SCFD2: variants seen among roughly 807,000 people sequenced by gnomAD.
SCFD2 encodes the protein sec1 family domain containing 2.
A neutral mutation model predicts 58.9 loss-of-function variants in SCFD2; 54 were observed. That is an observed-to-expected ratio of 0.92 (90% CI 0.74 to 1.15). SCFD2 has a LOEUF of 1.15. Ranked by LOEUF, SCFD2 falls within the 50% of genes most tolerant of loss-of-function variation. The pLI is 0.00. For synonymous variants in SCFD2, 321 were observed against 335.9 expected (o/e 0.96, Z 0.49); for missense variants, 805 against 836.6 (o/e 0.96, Z 0.47).
intron 4 of SCFD2, among the ~76,000 whole-genome samples, chr4:53,236,117 G>T (rs1729598090): frequency 6.6e-6 from 1 of 152,152 alleles, no homozygotes; most frequent in Non-Finnish European, 1.5e-5. Flanking sequence ...GGGGAAGGCA[G>T]ATCCACCCTT....
At chr4:53,310,148 TC>T (rs1280915146) in intron 3 of SCFD2, among the ~76,000 whole-genome samples, 3 of 152,282 alleles carry the variant, frequency 2.0e-5, no homozygotes, top group East Asian at 3.9e-4. Context: ...TATTTAGTGG[TC>T]TGGGAGGCTT....
intron 2 of SCFD2, among the ~76,000 whole-genome samples, chr4:53,349,619 A>G (rs1189305775): frequency 1.3e-5 from 2 of 152,244 alleles, no homozygotes. Context: ...GCCAAGGGAA[A>G]TGAGATTCCA....
chr4:52,876,301 T>C (rs1381309170), intron 8 of SCFD2, among the ~76,000 whole-genome samples: 2 of 152,218 alleles, frequency 1.3e-5, no homozygotes, highest in Non-Finnish European at 2.9e-5. Flanking sequence ...GCTGCTGTAT[T>C]ATTGTGGTTT....
chr4:53,112,934 T>C (rs1271994880), intron 5 of SCFD2, among the ~76,000 whole-genome samples: 1 of 152,056 alleles, frequency 6.6e-6, no homozygotes, highest in African/African-American at 2.4e-5. Flanking sequence ...ACACTAGCCA[T>C]AGGATCCCAG....
chr4:52,904,141 G>A (rs896717095), intron 7 of SCFD2, among the ~76,000 whole-genome samples: 6 of 152,174 alleles, frequency 3.9e-5, no homozygotes, highest in African/African-American at 1.2e-4. Flanking sequence ...TATAGACCCT[G>A]CTTCCGGGTG....
intron 4 of SCFD2, among the ~76,000 whole-genome samples, chr4:53,240,153 C>T (rs1288839848): frequency 6.6e-6 from 1 of 152,152 alleles, no homozygotes; most frequent in Non-Finnish European, 1.5e-5. Flanking sequence ...GTGGTTTTGC[C>T]AACACAGCAG....
chr4:52,939,045 G>A (rs1383696159), intron 5 of SCFD2, among the ~76,000 whole-genome samples: 1 of 152,154 alleles, frequency 6.6e-6, no homozygotes, highest in Non-Finnish European at 1.5e-5. Context: ...ACTTCTGGAT[G>A]TCTGGCAGAA....
chr4:53,063,881 T>A (rs774421398), intron 5 of SCFD2, among the ~76,000 whole-genome samples: 37 of 151,982 alleles, frequency 2.4e-4, no homozygotes, highest in Non-Finnish European at 4.1e-4. Flanking sequence ...CTTATCAGAA[T>A]TTTTTTTCTA....
chr4:52,969,950 C>T (rs1258007395), intron 5 of SCFD2, among the ~76,000 whole-genome samples: 2 of 152,104 alleles, frequency 1.3e-5, no homozygotes, highest in African/African-American at 4.8e-5. Flanking sequence ...GGGCAGTTTT[C>T]TTCAATACAG....
At chr4:52,936,131 C>T (rs894474357) in intron 5 of SCFD2, among the ~76,000 whole-genome samples, 1 of 152,180 alleles carries the variant, frequency 6.6e-6, no homozygotes, top group Non-Finnish European at 1.5e-5. Context: ...GCCACCGCAC[C>T]CAGACTTCCT....
At chr4:53,238,740 C>T (rs1257168575) in intron 4 of SCFD2, among the ~76,000 whole-genome samples, 3 of 148,488 alleles carry the variant, frequency 2.0e-5, no homozygotes, top group Admixed American at 6.7e-5. Context: ...GGGGCAGAGG[C>T]GCTCCCCACA....
chr4:53,345,271 C>T (rs1173183798), intron 2 of SCFD2, among the ~76,000 whole-genome samples: 2 of 152,110 alleles, frequency 1.3e-5, no homozygotes, highest in African/African-American at 2.4e-5. Context: ...ACAACCCCAT[C>T]AAAAAGTGGG....
At chr4:53,345,147 C>T (rs1375569898) in intron 2 of SCFD2, among the ~76,000 whole-genome samples, 5 of 152,010 alleles carry the variant, frequency 3.3e-5, no homozygotes, top group Admixed American at 6.6e-5. Context: ...GAAACTACCA[C>T]AAGAGTGAAC....
intron 5 of SCFD2, among the ~76,000 whole-genome samples, chr4:53,044,723 A>G (rs952296405): frequency 2.6e-5 from 4 of 151,970 alleles, no homozygotes; most frequent in Non-Finnish European, 5.9e-5. Flanking sequence ...GCCTTTAAAA[A>G]AAATCATATA....
chr4:53,327,194 C>G (rs1304655326), intron 2 of SCFD2, among the ~76,000 whole-genome samples: 1 of 151,608 alleles, frequency 6.6e-6, no homozygotes, highest in Non-Finnish European at 1.5e-5. Flanking sequence ...TAGCCGAATA[C>G]AAGGTGTTGG....
intron 4 of SCFD2, among the ~76,000 whole-genome samples, chr4:53,232,273 A>C (rs1329503710): frequency 1.3e-5 from 2 of 152,212 alleles, no homozygotes; most frequent in African/African-American, 4.8e-5. Flanking sequence ...TACTCAAAGG[A>C]ATCTTTTGTA....
chr4:53,185,018 C>T (rs1727697825), intron 4 of SCFD2, among the ~76,000 whole-genome samples: 1 of 151,986 alleles, frequency 6.6e-6, no homozygotes, highest in Non-Finnish European at 1.5e-5. Context: ...TAAATAGAAG[C>T]CAGTGAACAT....
At chr4:52,918,821 T>A (rs1719667786) in intron 6 of SCFD2, among the ~76,000 whole-genome samples, 1 of 152,176 alleles carries the variant, frequency 6.6e-6, no homozygotes, top group Non-Finnish European at 1.5e-5. Context: ...GGGCCAAGGA[T>A]TCAAACACAC....
chr4:53,087,833 G>GTATCTTTAA (rs1724356762), intron 5 of SCFD2, among the ~76,000 whole-genome samples: 1 of 151,308 alleles, frequency 6.6e-6, no homozygotes, highest in Non-Finnish European at 1.5e-5. Flanking sequence ...GCTAATTTTT[G>GTATCTTTAA]TATCTTTAAT....
Sources: gnomAD v4.1 joint callset for allele counts (sites outside exome capture counted in the v4.1 genomes callset) on GRCh38, gnomAD v4.1.1 for gene constraint, MANE v1.5 for transcripts, NCBI Gene and HGNC (gene_info 2026-07-23, HGNC 2026-07-21) for gene names.